RIBC2: variants seen among roughly 807,000 people sequenced by gnomAD.
RIBC2 encodes RIB43A domain with coiled-coils 2.
A neutral mutation model predicts 44.3 loss-of-function variants in RIBC2; 40 were observed. The ratio of observed to expected loss-of-function variants is 0.90; its 90% confidence interval spans 0.70 to 1.18. The LOEUF (loss-of-function observed/expected upper bound fraction) is 1.18. Ranked by LOEUF, RIBC2 falls within the 50% of genes most tolerant of loss-of-function variation. RIBC2 has a pLI of 0.00. For synonymous variants in RIBC2, 171 were observed against 175.0 expected (o/e 0.98, Z 0.18); for missense variants, 459 against 485.5 (o/e 0.95, Z 0.51).
chr22:45,427,336 A>G (rs1363628098), intron 5 of RIBC2, among the ~76,000 whole-genome samples: 1 of 152,234 alleles, frequency 6.6e-6, no homozygotes, highest in East Asian at 1.9e-4. Context: ...TGCATAGTCC[A>G]GCTACCAGGA....
At position 45,413,943 on chromosome 22, in the gene RIBC2, C is replaced by G; in HGVS notation, c.57C>G (p.Asn19Lys). 1 of 1,551,700 alleles carries G rather than the reference C, an allele frequency of 6.4e-7. No homozygotes were observed. The highest frequency in any genetic ancestry group is 1.2e-5 in the South Asian group (1 of 84,060). Residue 19 changes from asparagine to lysine, a missense_variant, in exon 1 of 7, where the codon AAC (asparagine) becomes AAG (lysine). Physicochemically the swap from Asn to Lys is moderately conservative, Grantham distance 94. Transcript: ENST00000614167. ...ALPRDLRQDANLAKRRHAELC... is the reference protein window; with the variant it reads ...ALPRDLRQDAKLAKRRHAELC... ...CCAGGGACTTGCGGCAGGACGCCAA[C>G]CTGGCAAAGAGGAGGCACGCGGAGC...
chr22:45,422,034 G>A (rs1297878424), intron 3 of RIBC2, among the ~76,000 whole-genome samples: 3 of 152,140 alleles, frequency 2.0e-5, no homozygotes, highest in African/African-American at 7.2e-5. Context: ...CTGTAAGGAT[G>A]TAGCTGCCTC....
intron 3 of RIBC2, 108 bp from the exon 4 acceptor site, chr22:45,422,182 C>T (rs981158091): frequency 1.5e-5 from 11 of 757,834 alleles, no homozygotes; most frequent in Middle Eastern, 3.3e-4. Flanking sequence ...TGTTCCCGTC[C>T]TCATGCTCAT....
Position 45,422,331 on chromosome 22 carries a change from G to A in RIBC2, c.598G>A (p.Ala200Thr). The change falls in exon 4 of 7, where the codon GCC becomes ACC. Residue 200 changes from alanine (A) to threonine (T), a missense_variant. Ala to Thr is a moderately conservative substitution (Grantham distance 58). Coordinates refer to ENST00000614167, the MANE Select transcript of RIBC2 (RefSeq NM_015653.5). ...TETRLQFDET[A>T]KHLQKLESTT... ...GACAAGGCTGCAGTTTGACGAGACA[G>A]CCAAGCACCTCCAGAAGCTGGAAAG... 6.2e-7 allele frequency: 1 copy of A among 1,614,212 alleles called. No homozygotes were observed. Among genetic ancestry groups the A allele is most frequent in the East Asian group, 2.2e-5 (1 of 44,880 alleles).
chr22:45,417,150 C>G (rs1022755085), intron 2 of RIBC2, among the ~76,000 whole-genome samples: 8 of 152,164 alleles, frequency 5.3e-5, no homozygotes, highest in Non-Finnish European at 8.8e-5. Context: ...ATCCGCCCAC[C>G]TCGGGCTCCC....
intron 5 of RIBC2, among the ~76,000 whole-genome samples, chr22:45,428,421 C>T (rs1036816961): frequency 3.3e-5 from 5 of 152,082 alleles, no homozygotes; most frequent in Non-Finnish European, 7.3e-5. Flanking sequence ...GTCATTCAGC[C>T]GGAGTGATGC....
intron 3 of RIBC2, among the ~76,000 whole-genome samples, chr22:45,421,854 C>A (rs1407155713): frequency 6.6e-6 from 1 of 152,082 alleles, no homozygotes; most frequent in Non-Finnish European, 1.5e-5. Flanking sequence ...TCCACAGTAT[C>A]TGTCATCTGG....
At position 45,413,727 on chromosome 22, in the gene RIBC2, T is replaced by C. The variant is rs757147741; in HGVS notation, c.-160T>C. On this transcript the variant is annotated 5_prime_UTR_variant, in exon 1 of 7. Transcript: ENST00000614167. ...ATTTCCGAGAGAGCGGGAGCGTCTG[T>C]ACCTCTGCGGCGTCACTGGGAGCCC... 440 of 1,179,434 alleles carry C rather than the reference T, an allele frequency of 3.7e-4. No individual in the cohort carries two copies. Among genetic ancestry groups the C allele is most frequent in the Non-Finnish European group, 5.0e-4 (416 of 839,480 alleles). The allele number at this position is 1,179,434 out of a possible 1,614,324, so 73.1% of individuals were successfully genotyped here.
chr22:45,414,045 G>T, intron 1 of RIBC2, 30 bp downstream of exon 1: 1 of 1,550,118 alleles, frequency 6.5e-7, no homozygotes, highest in Non-Finnish European at 8.7e-7. Context: ...GACGGGGTTA[G>T]AGCGGCAGAT....
At chr22:45,424,067 A>T (rs2087511131) in intron 4 of RIBC2, among the ~76,000 whole-genome samples, 3 of 152,036 alleles carry the variant, frequency 2.0e-5, no homozygotes. Flanking sequence ...TCATTCATAT[A>T]TTCTAGAAGA....
chr22:45,414,304 C>T lies in RIBC2; in HGVS notation c.130-18C>T, dbSNP rs1408890539. 2 of 1,544,058 alleles carry T rather than the reference C, an allele frequency of 1.3e-6. No homozygotes were observed. Among genetic ancestry groups the T allele is most frequent in the Non-Finnish European group, 1.7e-6 (2 of 1,144,292 alleles). ...ATGATCTGGCTCTAACCCTTCTCCT[C>T]TGTTTTTCCATTTATAGGGAGACAC... On this transcript the variant is annotated intron_variant, in intron 1 of 6. Transcript: ENST00000614167.
At chr22:45,428,308 G>A (rs921943348) in intron 5 of RIBC2, among the ~76,000 whole-genome samples, 3 of 152,224 alleles carry the variant, frequency 2.0e-5, no homozygotes, top group South Asian at 2.1e-4. Flanking sequence ...CTTACAAGGC[G>A]TTTGCTGTAA....
At chr22:45,421,583 A>ATAATAGTATTATTAT (rs1236179262) in intron 3 of RIBC2, among the ~76,000 whole-genome samples, 2 of 31,988 alleles carry the variant, frequency 6.3e-5, no homozygotes, top group African/African-American at 1.6e-4. Flanking sequence ...AGTATTATTA[A>ATAATAGTATTATTAT]TAATAATAAT....
rs766392991 is a variant in RIBC2, at chr22:45,417,589, G to C, written c.212-13G>C. 1 of 1,587,748 alleles carries C rather than the reference G, an allele frequency of 6.3e-7. No homozygotes were observed. The highest frequency in any genetic ancestry group is 1.7e-5 in the Admixed American group (1 of 59,548). Reference sequence around the variant, plus strand: ...TGAATCCTAAGCTTATGGATATGCTGTATCTCTTCCAGCTGCTGAAATGAG... The same window carrying C: ...TGAATCCTAAGCTTATGGATATGCTCTATCTCTTCCAGCTGCTGAAATGAG... On this transcript the variant is annotated splice_polypyrimidine_tract_variant and intron_variant, in intron 2 of 6. Coordinates refer to ENST00000614167, the MANE Select transcript of RIBC2 (RefSeq NM_015653.5).
chr22:45,420,377 C>G (rs1429166667), intron 3 of RIBC2, among the ~76,000 whole-genome samples: 1 of 152,160 alleles, frequency 6.6e-6, no homozygotes, highest in African/African-American at 2.4e-5. Flanking sequence ...ATTTTAAACC[C>G]TGTACCCTCC....
chr22:45,422,283 C>G lies in RIBC2; in HGVS notation c.557-7C>G, dbSNP rs369395828. The G allele has an allele frequency of 5.0e-6, 8 of 1,607,860 alleles. No individual in the cohort carries two copies. In the Admixed American group the frequency reaches 1.3e-4, roughly 27 times the overall value. On this transcript the variant is annotated splice_polypyrimidine_tract_variant and splice_region_variant and intron_variant, in intron 3 of 6. Coordinates refer to ENST00000614167, the MANE Select transcript of RIBC2 (RefSeq NM_015653.5). The stretch of plus-strand genomic sequence containing the variant: ...GGTCGATCTGATTGCTTCTTGCCTC[C>G]TTTCAGAGGCCCTCTACACAGAGAC...
At chr22:45,418,911 G>A (rs763142520) in intron 3 of RIBC2, among the ~76,000 whole-genome samples, 2 of 152,024 alleles carry the variant, frequency 1.3e-5, no homozygotes, top group Admixed American at 6.6e-5. Flanking sequence ...CCTCCATGTC[G>A]CCCAATCCAA....
chr22:45,432,257 CTT>C (rs747390850), intron 6 of RIBC2, 25 bp from the exon 7 acceptor site: 5 of 1,146,316 alleles, frequency 4.4e-6, no homozygotes, highest in Admixed American at 2.3e-5. Context: ...ATTTGCTGAC[CTT>C]TTTTTTTTCT....
At chr22:45,419,560 C>T (rs558942844) in intron 3 of RIBC2, among the ~76,000 whole-genome samples, 1 of 152,128 alleles carries the variant, frequency 6.6e-6, no homozygotes, top group Admixed American at 6.5e-5. Context: ...AAAGTGAGAC[C>T]TCATCTCTAC....
Sources: allele counts gnomAD v4.1 joint callset (sites outside exome capture counted in the v4.1 genomes callset), GRCh38; gene constraint gnomAD v4.1.1; transcripts MANE v1.5; gene names NCBI Gene and HGNC (gene_info 2026-07-23, HGNC 2026-07-21).